CRB1: variants seen among roughly 807,000 people sequenced by gnomAD.
The protein encoded by CRB1 is protein crumbs homolog 1.
CRB1 carries 83 observed loss-of-function variants against 120.0 expected under a neutral mutation model. That is an observed-to-expected ratio of 0.69 (90% CI 0.58 to 0.83). The LOEUF (loss-of-function observed/expected upper bound fraction) is 0.83. Ranked by LOEUF, CRB1 falls within the 40% of genes least tolerant of loss-of-function variation. The probability of loss-of-function intolerance (pLI) is 0.00; values close to 1 mark genes in which losing one functional copy is unlikely to be tolerated. For synonymous variants in CRB1, 625 were observed against 612.5 expected (o/e 1.02, Z -0.30); for missense variants, 1,699 against 1,687.6 (o/e 1.01, Z -0.12).
intron 6 of CRB1, among the ~76,000 whole-genome samples, chr1:197,425,815 T>A (rs1332379930): frequency 2.0e-5 from 3 of 152,078 alleles, no homozygotes; most frequent in Admixed American, 2.0e-4. Flanking sequence ...ATTTTCTCTA[T>A]ATATACTCAT....
the CRB1 span, among the ~76,000 whole-genome samples, chr1:197,242,550 T>C: frequency 6.6e-6 from 1 of 152,152 alleles, no homozygotes; most frequent in African/African-American, 2.4e-5. Context: ...GTGGATAAGC[T>C]TTTTGATGTG....
chr1:197,389,909 A>G (rs535602422), intron 5 of CRB1, among the ~76,000 whole-genome samples: 2 of 152,002 alleles, frequency 1.3e-5, no homozygotes, highest in Admixed American at 1.3e-4. Flanking sequence ...ACTCCCTGCC[A>G]CCCTGCTGCG....
At chr1:197,455,567 C>A (rs1666249411) in intron 11 of CRB1, among the ~76,000 whole-genome samples, 2 of 151,880 alleles carry the variant, frequency 1.3e-5, no homozygotes, top group Non-Finnish European at 2.9e-5. Flanking sequence ...AATGCAGTTG[C>A]ACCTCATTGA....
chr1:197,208,827 C>A, the CRB1 span, among the ~76,000 whole-genome samples: 3 of 152,072 alleles, frequency 2.0e-5, no homozygotes, highest in African/African-American at 7.2e-5. Context: ...GCTACCAGGG[C>A]AGGTAGAGAA....
intron 4 of CRB1, among the ~76,000 whole-genome samples, chr1:197,353,520 A>G (rs1396847113): frequency 1.3e-5 from 2 of 152,184 alleles, no homozygotes; most frequent in Non-Finnish European, 2.9e-5. Flanking sequence ...TGTTTCTTTA[A>G]AAATATGAGG....
intron 11 of CRB1, among the ~76,000 whole-genome samples, chr1:197,471,895 C>G (rs1666994345): frequency 6.6e-6 from 1 of 152,178 alleles, no homozygotes; most frequent in Non-Finnish European, 1.5e-5. Context: ...GTCAGAATAG[C>G]AATTCACAAG....
chr1:197,448,734 A>T (rs1300220008), intron 11 of CRB1, among the ~76,000 whole-genome samples: 1 of 152,084 alleles, frequency 6.6e-6, no homozygotes, highest in Non-Finnish European at 1.5e-5. Flanking sequence ...AAAGCTTACT[A>T]TTTTATTCCT....
At chr1:197,352,995 C>T (rs1468956799) in intron 4 of CRB1, among the ~76,000 whole-genome samples, 1 of 152,168 alleles carries the variant, frequency 6.6e-6, no homozygotes, top group Non-Finnish European at 1.5e-5. Flanking sequence ...CTACTGCTTA[C>T]ATATTGCTCA....
At chr1:197,230,329 CT>C in the CRB1 span, among the ~76,000 whole-genome samples, 1 of 152,138 alleles carries the variant, frequency 6.6e-6, no homozygotes, top group African/African-American at 2.4e-5. Context: ...GATTCTCTTT[CT>C]TGGATCGAAG....
chr1:197,205,562 G>A, the CRB1 span, among the ~76,000 whole-genome samples: 9 of 152,196 alleles, frequency 5.9e-5, no homozygotes, highest in African/African-American at 2.2e-4. Context: ...ATTGACTTGC[G>A]TATGTTAAAC....
At chr1:197,355,429 G>A (rs894845795) in intron 4 of CRB1, among the ~76,000 whole-genome samples, 18 of 152,234 alleles carry the variant, frequency 1.2e-4, no homozygotes, top group African/African-American at 2.9e-4. Flanking sequence ...GATGGGACCC[G>A]GCGCCGCGGA....
intron 1 of CRB1, among the ~76,000 whole-genome samples, chr1:197,285,588 C>T (rs977294346): frequency 6.6e-6 from 1 of 151,870 alleles, no homozygotes; most frequent in African/African-American, 2.4e-5. Context: ...ACAGATATAA[C>T]ATGTCCCACA....
chr1:197,420,304 T>C (rs1029238932), intron 5 of CRB1, among the ~76,000 whole-genome samples: 6 of 152,158 alleles, frequency 3.9e-5, no homozygotes, highest in African/African-American at 1.4e-4. Context: ...TTTAAATGAA[T>C]TCTAATAATT....
intron 11 of CRB1, among the ~76,000 whole-genome samples, chr1:197,447,066 C>A (rs1571582549): frequency 6.6e-6 from 1 of 152,174 alleles, no homozygotes; most frequent in Non-Finnish European, 1.5e-5. Flanking sequence ...AAACAACACA[C>A]ATTTATTATC....
At chr1:197,265,353 CCTTT>C (rs1027513702), upstream of CRB1, among the ~76,000 whole-genome samples, 18 of 150,844 alleles carry the variant, frequency 1.2e-4, no homozygotes, top group Non-Finnish European at 2.4e-4. Context: ...TTCCTTTTGT[CCTTT>C]CTTCCTTCCT....
At chr1:197,282,818 A>G (rs1163861305) in intron 1 of CRB1, among the ~76,000 whole-genome samples, 4 of 151,388 alleles carry the variant, frequency 2.6e-5, no homozygotes, top group Non-Finnish European at 5.9e-5. Context: ...AAAAGGTTGG[A>G]CCTTTCTCTT....
chr1:197,348,010 T>C (rs1659874636), intron 4 of CRB1, among the ~76,000 whole-genome samples: 2 of 152,236 alleles, frequency 1.3e-5, no homozygotes, highest in South Asian at 4.1e-4. Context: ...AACATTTGTG[T>C]TACATTACAG....
At chr1:197,466,199 C>G (rs1666742868) in intron 11 of CRB1, among the ~76,000 whole-genome samples, 1 of 152,168 alleles carries the variant, frequency 6.6e-6, no homozygotes, top group African/African-American at 2.4e-5. Context: ...TTAATCAACA[C>G]TTATGCAGGT....
At chr1:197,359,381 T>C (rs1660657981) in intron 5 of CRB1, among the ~76,000 whole-genome samples, 1 of 152,136 alleles carries the variant, frequency 6.6e-6, no homozygotes, top group Non-Finnish European at 1.5e-5. Context: ...CATCATTCTT[T>C]GGAGATTTAT....
Sources: allele counts gnomAD v4.1 joint callset (sites outside exome capture counted in the v4.1 genomes callset), GRCh38; gene constraint gnomAD v4.1.1; transcripts MANE v1.5; gene names NCBI Gene and HGNC (gene_info 2026-07-23, HGNC 2026-07-21).